Variants in ERBIN observed in about 807,000 individuals in gnomAD.
ERBIN encodes the protein densin-180-like protein.
A neutral mutation model predicts 158.4 loss-of-function variants in ERBIN; 60 were observed. The observed-to-expected ratio is 0.38, with a 90% CI of 0.31 to 0.47. The LOEUF (loss-of-function observed/expected upper bound fraction) is 0.47. Among genes scored for constraint, ERBIN ranks in the 20% least tolerant of loss-of-function variants. The probability of loss-of-function intolerance (pLI) is 0.99; values close to 1 mark genes in which losing one functional copy is unlikely to be tolerated. For missense variants in ERBIN, 1,610 were observed against 1,648.0 expected (o/e 0.98, Z 0.40); for synonymous variants, 594 against 557.2 (o/e 1.07, Z -0.93).
chr5:66,055,480 C>T (rs528799609), intron 21 of ERBIN, among the ~76,000 whole-genome samples: 3 of 152,246 alleles, frequency 2.0e-5, no homozygotes, highest in Non-Finnish European at 4.4e-5. Flanking sequence ...CCTACTTAAA[C>T]TCAGTTAAGT....
intron 1 of ERBIN, among the ~76,000 whole-genome samples, chr5:65,957,899 C>T (rs1263264694): frequency 1.4e-5 from 2 of 144,964 alleles, no homozygotes; most frequent in South Asian, 4.5e-4. Context: ...CACTTCTCAG[C>T]CGGGGCGGCT....
chr5:65,947,396 ATTTTTGT>A (rs1745904886), intron 1 of ERBIN, among the ~76,000 whole-genome samples: 1 of 152,064 alleles, frequency 6.6e-6, no homozygotes, highest in South Asian at 2.1e-4. Context: ...CGCCTGGATA[ATTTTTGT>A]ATTTTCAGTA....
At chr5:66,002,121 A>G (rs1166874366) in intron 4 of ERBIN, among the ~76,000 whole-genome samples, 1 of 152,148 alleles carries the variant, frequency 6.6e-6, no homozygotes, top group Non-Finnish European at 1.5e-5. Flanking sequence ...AGCTTTATCC[A>G]TGTCCCGGTA....
intron 6 of ERBIN, among the ~76,000 whole-genome samples, chr5:66,014,167 C>A (rs1195521505): frequency 2.6e-5 from 4 of 152,134 alleles, no homozygotes; most frequent in Non-Finnish European, 5.9e-5. Flanking sequence ...CATCTTTTAT[C>A]TAAAAATCAT....
At chr5:66,049,599 G>A (rs1758816127) in intron 19 of ERBIN, among the ~76,000 whole-genome samples, 1 of 152,102 alleles carries the variant, frequency 6.6e-6, no homozygotes, top group African/African-American at 2.4e-5. Flanking sequence ...TAAGTTAAGA[G>A]CTCAAAACCT....
At chr5:65,948,617 A>G (rs1246748506) in intron 1 of ERBIN, among the ~76,000 whole-genome samples, 2 of 152,160 alleles carry the variant, frequency 1.3e-5, no homozygotes, top group East Asian at 3.8e-4. Context: ...TAAAGATAAC[A>G]TAGACATAGC....
At chr5:66,024,059 G>A (rs562850644) in intron 9 of ERBIN, among the ~76,000 whole-genome samples, 2 of 152,166 alleles carry the variant, frequency 1.3e-5, no homozygotes, top group Non-Finnish European at 2.9e-5. Flanking sequence ...ATTTCCTTAG[G>A]AGGTAATGGA....
chr5:65,941,981 G>A (rs1745109553), intron 1 of ERBIN, among the ~76,000 whole-genome samples: 1 of 152,054 alleles, frequency 6.6e-6, no homozygotes, highest in African/African-American at 2.4e-5. Flanking sequence ...ACCTCGTGAT[G>A]CGCCCGCCTC....
intron 19 of ERBIN, among the ~76,000 whole-genome samples, chr5:66,049,493 T>C (rs1758806815): frequency 6.6e-6 from 1 of 152,124 alleles, no homozygotes; most frequent in Non-Finnish European, 1.5e-5. Flanking sequence ...ACTAAATATT[T>C]TACGTGTTAT....
chr5:65,982,386 C>T (rs1206704735), intron 1 of ERBIN, among the ~76,000 whole-genome samples: 1 of 152,154 alleles, frequency 6.6e-6, no homozygotes, highest in East Asian at 1.9e-4. Context: ...TTTATACAAA[C>T]ACCTTATGTA....
chr5:66,032,451 T>C (rs1274325646), intron 14 of ERBIN, among the ~76,000 whole-genome samples: 1 of 152,142 alleles, frequency 6.6e-6, no homozygotes, highest in Non-Finnish European at 1.5e-5. Flanking sequence ...GAGAACAACA[T>C]GTATAAGTTG....
chr5:66,057,801 G>A (rs562744506), intron 21 of ERBIN, among the ~76,000 whole-genome samples: 1 of 150,154 alleles, frequency 6.7e-6, no homozygotes, highest in South Asian at 2.1e-4. Flanking sequence ...AACATGCGGT[G>A]TTTGGTTTTT....
chr5:65,973,499 C>T (rs1006991567), intron 1 of ERBIN, among the ~76,000 whole-genome samples: 5 of 151,130 alleles, frequency 3.3e-5, no homozygotes, highest in African/African-American at 4.9e-5. Context: ...GAAGAGGGAC[C>T]GGAAGAAATA....
At chr5:65,991,119 A>G (rs1368904736) in intron 2 of ERBIN, among the ~76,000 whole-genome samples, 1 of 152,218 alleles carries the variant, frequency 6.6e-6, no homozygotes, top group Non-Finnish European at 1.5e-5. Context: ...TGTCACTTTT[A>G]AAATATCATA....
intron 1 of ERBIN, among the ~76,000 whole-genome samples, chr5:65,943,374 G>A (rs944227712): frequency 1.6e-4 from 24 of 152,190 alleles, no homozygotes; most frequent in Admixed American, 1.5e-3. Flanking sequence ...TACCTGTATT[G>A]AATCTTTGGA....
chr5:66,012,838 G>A (rs1045269587), intron 5 of ERBIN, among the ~76,000 whole-genome samples: 1 of 152,168 alleles, frequency 6.6e-6, no homozygotes, highest in Non-Finnish European at 1.5e-5. Context: ...ACACACGTAG[G>A]TTGTTACATG....
At chr5:66,077,008 T>C (rs1271003198) in intron 25 of ERBIN, 59 bp downstream of exon 25, 4 of 1,281,156 alleles carry the variant, frequency 3.1e-6, no homozygotes, top group Non-Finnish European at 4.4e-6. Flanking sequence ...TTTCACAGTT[T>C]AAAATGTTTT....
chr5:65,942,375 G>A (rs1298740728), intron 1 of ERBIN, among the ~76,000 whole-genome samples: 1 of 152,148 alleles, frequency 6.6e-6, no homozygotes, highest in Non-Finnish European at 1.5e-5. Flanking sequence ...ATTTCCCAAA[G>A]ATTTTTAATA....
At chr5:66,063,917 G>A (rs154844) in intron 21 of ERBIN, among the ~76,000 whole-genome samples, 152,282 of 152,316 alleles carry the variant, frequency 1, 76,124 homozygotes, top group Middle Eastern at 1. Context: ...AAATTTCAAT[G>A]GAAATTTGGT....
Sources: allele counts gnomAD v4.1 joint callset (sites outside exome capture counted in the v4.1 genomes callset), GRCh38; gene constraint gnomAD v4.1.1; transcripts MANE v1.5; gene names NCBI Gene and HGNC (gene_info 2026-07-23, HGNC 2026-07-21).